The following ANO2 variants were observed in gnomAD, a reference collection of about 807,000 sequenced individuals.
ANO2 encodes anoctamin-2.
A neutral mutation model predicts 124.2 loss-of-function variants in ANO2; 101 were observed. The observed-to-expected ratio is 0.81, with a 90% CI of 0.69 to 0.96. The LOEUF (loss-of-function observed/expected upper bound fraction) is 0.96. Ranked by LOEUF, ANO2 falls within the 40% of genes least tolerant of loss-of-function variation. ANO2 has a pLI of 0.00. For missense variants in ANO2, 1,293 were observed against 1,274.5 expected (o/e 1.01, Z -0.22); for synonymous variants, 486 against 482.5 (o/e 1.01, Z -0.09).
intron 16 of ANO2, among the ~76,000 whole-genome samples, chr12:5,620,045 G>C (rs1190008136): frequency 6.6e-6 from 1 of 152,240 alleles, no homozygotes; most frequent in Non-Finnish European, 1.5e-5. Context: ...TGTAGGTGAG[G>C]AGAAATGTGT....
intron 10 of ANO2, among the ~76,000 whole-genome samples, chr12:5,788,434 C>G (rs974205201): frequency 1.3e-5 from 2 of 152,208 alleles, no homozygotes; most frequent in Admixed American, 1.3e-4. Flanking sequence ...ATCTAACTGC[C>G]CACCATCAGT....
intron 1 of ANO2, among the ~76,000 whole-genome samples, chr12:5,944,636 G>A (rs775850037): frequency 5.3e-5 from 8 of 152,180 alleles, no homozygotes; most frequent in Non-Finnish European, 1.0e-4. Flanking sequence ...AGGTATAGCT[G>A]TGTTTCCCTG....
At chr12:5,680,347 T>C (rs1948436624) in intron 14 of ANO2, among the ~76,000 whole-genome samples, 1 of 152,158 alleles carries the variant, frequency 6.6e-6, no homozygotes, top group Non-Finnish European at 1.5e-5. Context: ...TTGGAGTTTC[T>C]ATCTGGGACC....
rs182260365 is a variant in ANO2 at position 5,875,642 on chromosome 12, G to A, written c.535-21501C>T. ...GCATTCATCATGCTGCACCGGTGAC[G>A]GTCACCATCAAACACATCAGGCCGC... On this transcript the variant is annotated intron_variant, in intron 3 of 24. Coordinates refer to ENST00000682330, the MANE Select transcript of ANO2 (RefSeq NM_001364791.2). 8.9e-4 allele frequency among the ~76,000 whole-genome samples: 136 copies of A among 152,276 alleles called. 1 individual carries two copies. The highest frequency in any genetic ancestry group is 1.6e-3 in the Non-Finnish European group (106 of 68,024).
chr12:5,625,760 CA>C (rs1945366672), intron 16 of ANO2, among the ~76,000 whole-genome samples: 2 of 152,252 alleles, frequency 1.3e-5, no homozygotes, highest in South Asian at 4.2e-4. Flanking sequence ...GGTGATTTCC[CA>C]GGTTCTTCCT....
At chr12:5,657,938 C>T (rs537205266) in intron 14 of ANO2, among the ~76,000 whole-genome samples, 31 of 152,184 alleles carry the variant, frequency 2.0e-4, no homozygotes, top group African/African-American at 6.5e-4. Context: ...CCACCTTAGC[C>T]CTCCACATAT....
intron 3 of ANO2, among the ~76,000 whole-genome samples, chr12:5,892,602 C>T (rs1004643398): frequency 9.2e-5 from 14 of 152,132 alleles, no homozygotes; most frequent in East Asian, 5.8e-4. Flanking sequence ...CATGAGGAGC[C>T]ATGAAGGTCA....
chr12:5,656,655 T>C (rs73046425), intron 14 of ANO2, among the ~76,000 whole-genome samples: 26,142 of 149,994 alleles, frequency 0.17, 2,596 homozygotes, highest in South Asian at 0.33. Context: ...AGAGGCCATA[T>C]AGCTGGTGTC....
Position 5,939,434 on chromosome 12 carries a change from T to C in ANO2, c.22+5762A>G, listed in dbSNP as rs190295697. On this transcript the variant is annotated intron_variant, in intron 1 of 24. Transcript: ENST00000682330. ...GTCAGGCTGCAGTAAGGATCAAAGATGAGTTAGATCCATCCTCCATCCCTG... is the reference window on the plus strand; with the variant it reads ...GTCAGGCTGCAGTAAGGATCAAAGACGAGTTAGATCCATCCTCCATCCCTG... Among the ~76,000 whole-genome samples, 24 of 152,200 alleles carry C rather than the reference T, an allele frequency of 1.6e-4. No homozygotes were observed. The East Asian group carries it at 3.7e-3, about 23-fold the overall frequency.
intron 14 of ANO2, among the ~76,000 whole-genome samples, chr12:5,730,323 C>T (rs114819138): frequency 6.6e-6 from 1 of 152,138 alleles, no homozygotes; most frequent in Admixed American, 6.6e-5. Flanking sequence ...AGCAAACAGG[C>T]CTTGGGGATC....
At chr12:5,811,282 C>G (rs899380300) in intron 7 of ANO2, among the ~76,000 whole-genome samples, 58 of 152,332 alleles carry the variant, frequency 3.8e-4, no homozygotes, top group African/African-American at 1.3e-3. Flanking sequence ...AACCAGAACT[C>G]CCAGACGGTG....
chr12:5,794,234 T>C (rs937300245), intron 10 of ANO2, among the ~76,000 whole-genome samples: 6 of 152,182 alleles, frequency 3.9e-5, no homozygotes, highest in Non-Finnish European at 7.3e-5. Context: ...ATGGTGCTGA[T>C]CCCACGTGTC....
intron 21 of ANO2, 76 bp downstream of exon 21, chr12:5,578,290 T>A: frequency 6.5e-7 from 1 of 1,537,360 alleles, no homozygotes; most frequent in Non-Finnish European, 8.8e-7. Context: ...TGATTCCTGG[T>A]GTGGTGTGAC....
At chr12:5,709,549 C>T (rs1285148120) in intron 14 of ANO2, among the ~76,000 whole-genome samples, 1 of 152,176 alleles carries the variant, frequency 6.6e-6, no homozygotes, top group East Asian at 1.9e-4. Context: ...TCCATTTGCC[C>T]CTGGGCTTGG....
intron 11 of ANO2, among the ~76,000 whole-genome samples, chr12:5,746,341 T>C (rs1951265591): frequency 6.6e-6 from 1 of 152,240 alleles, no homozygotes; most frequent in Admixed American, 6.5e-5. Context: ...CCTCAAATCA[T>C]TTAAATGTGA....
chr12:5,683,639 C>G (rs11063815), intron 14 of ANO2, among the ~76,000 whole-genome samples: 2,736 of 152,156 alleles, frequency 0.018, 72 homozygotes, highest in African/African-American at 0.06. Context: ...AAAACAGAGT[C>G]GCCATACCGT....
At chr12:5,637,522 A>G (rs1316829525) in intron 15 of ANO2, among the ~76,000 whole-genome samples, 1 of 136,140 alleles carries the variant, frequency 7.3e-6, no homozygotes, top group Non-Finnish European at 1.6e-5. Context: ...TAAACTAGAG[A>G]AGGAAGAACA....
intron 15 of ANO2, among the ~76,000 whole-genome samples, chr12:5,637,544 TC>T (rs1402586367): frequency 6.2e-5 from 5 of 80,440 alleles, no homozygotes; most frequent in Admixed American, 6.1e-4. Flanking sequence ...TCTTTGCTAC[TC>T]AAAAATGTGG....
chr12:5,786,774 G>C (rs1472411388), intron 10 of ANO2, among the ~76,000 whole-genome samples: 1 of 152,182 alleles, frequency 6.6e-6, no homozygotes, highest in Non-Finnish European at 1.5e-5. Context: ...AACAGGCTCT[G>C]GTGTCAAACT....
Sources: gnomAD v4.1 joint callset for allele counts (sites outside exome capture counted in the v4.1 genomes callset) on GRCh38, gnomAD v4.1.1 for gene constraint, MANE v1.5 for transcripts, NCBI Gene and HGNC (gene_info 2026-07-23, HGNC 2026-07-21) for gene names.